The following RPTOR variants were observed in gnomAD, a reference collection of about 807,000 sequenced individuals.
RPTOR encodes the protein regulatory associated protein of MTOR complex 1, also known as regulatory-associated protein of mTOR.
A neutral mutation model predicts 169.9 loss-of-function variants in RPTOR; 21 were observed. That is an observed-to-expected ratio of 0.12 (90% CI 0.09 to 0.18). The LOEUF is 0.18. Ranked by LOEUF, RPTOR falls within the 10% of genes least tolerant of loss-of-function variation. RPTOR has a pLI of 1.00. For synonymous variants in RPTOR, 732 were observed against 753.2 expected, an observed-to-expected ratio of 0.97 and a Z score of 0.46; for missense variants, 1,133 against 1,855.9, an observed-to-expected ratio of 0.61 and a Z score of 7.16.
At chr17:80,756,713 A>C (rs78145954) in intron 6 of RPTOR, among the ~76,000 whole-genome samples, 144 of 152,340 alleles carry the variant, frequency 9.5e-4, no homozygotes, top group African/African-American at 3.2e-3. Context: ...TTGAAAAGAT[A>C]AATGTTTGAG....
chr17:80,607,560 C>T (rs190148663), intron 1 of RPTOR, among the ~76,000 whole-genome samples: 13 of 150,752 alleles, frequency 8.6e-5, no homozygotes, highest in Admixed American at 7.3e-4. Flanking sequence ...CCCTCATCTC[C>T]CTAAAGTTTT....
At chr17:80,668,749 A>G (rs949128861) in intron 3 of RPTOR, among the ~76,000 whole-genome samples, 9 of 152,236 alleles carry the variant, frequency 5.9e-5, no homozygotes, top group Non-Finnish European at 1.2e-4. Flanking sequence ...TTTGTTCAGC[A>G]GAGCGGCTGC....
In RPTOR at chr17:80,696,822, G is replaced by A. The variant is rs557474974; in HGVS notation, c.349-11019G>A. On this transcript the variant is annotated intron_variant, in intron 3 of 33. Transcript: ENST00000306801. ...TGCGGGGCCCACAGCCAGACCAGGTGTGTCACCTTGAGGGGAACACGGTGG... is the reference window on the plus strand; with the variant it reads ...TGCGGGGCCCACAGCCAGACCAGGTATGTCACCTTGAGGGGAACACGGTGG... Among the ~76,000 whole-genome samples the A allele has an allele frequency of 1.1e-4, 16 of 152,338 alleles. 1 individual carries two copies. In the South Asian group the frequency reaches 3.3e-3, roughly 32 times the overall value.
At chr17:80,741,598 A>C (rs559306298) in intron 5 of RPTOR, among the ~76,000 whole-genome samples, 1 of 152,094 alleles carries the variant, frequency 6.6e-6, no homozygotes, top group Admixed American at 6.5e-5. Flanking sequence ...TGCTCAGGCA[A>C]TGTGGGGTGT....
At chr17:80,865,008 G>A (rs553441717) in intron 13 of RPTOR, among the ~76,000 whole-genome samples, 32 of 152,298 alleles carry the variant, frequency 2.1e-4, no homozygotes, top group Admixed American at 2.0e-3. Context: ...TATAACATTT[G>A]TAAGAGCAAA....
intron 3 of RPTOR, among the ~76,000 whole-genome samples, chr17:80,670,623 A>G (rs559295174): frequency 1.3e-5 from 2 of 152,236 alleles, no homozygotes; most frequent in South Asian, 4.1e-4. Context: ...CAGAAATTGT[A>G]ATCCATTTGG....
chr17:80,753,963 C>A, intron 5 of RPTOR, 47 bp from the exon 6 acceptor site: 1 of 1,534,302 alleles, frequency 6.5e-7, no homozygotes, highest in Non-Finnish European at 9.0e-7. Context: ...TTGGTTGTGA[C>A]CAGCAGCTAA....
chr17:80,593,794 G>A (rs1158187119), intron 1 of RPTOR: 1 of 152,270 alleles, frequency 6.6e-6, no homozygotes, highest in East Asian at 1.9e-4. Context: ...TAATAAAAAT[G>A]TCATTCATGT....
At chr17:80,571,546 G>A (rs1310883452) in intron 1 of RPTOR, among the ~76,000 whole-genome samples, 1 of 151,936 alleles carries the variant, frequency 6.6e-6, no homozygotes, top group African/African-American at 2.4e-5. Flanking sequence ...TTTGAGATCG[G>A]GTCTCATTCT....
chr17:80,714,512 A>T (rs1427900208), intron 4 of RPTOR, among the ~76,000 whole-genome samples: 1 of 152,310 alleles, frequency 6.6e-6, no homozygotes, highest in East Asian at 1.9e-4. Context: ...ATTCAAAATT[A>T]TGGAATATCT....
chr17:80,759,785 T>C lies in RPTOR; in HGVS notation c.830+5600T>C, dbSNP rs568467683. On this transcript the variant is annotated intron_variant, in intron 6 of 33. Transcript: ENST00000306801. ...ATTTTGAAAAGTCAATTTTTCTAAT[T>C]AAAAATGAAAGATACATTCTTTTCA... Among the ~76,000 whole-genome samples, 514 of 152,304 alleles carry C rather than the reference T, an allele frequency of 3.4e-3. 2 individuals are homozygous for C. Among genetic ancestry groups the C allele is most frequent in the Non-Finnish European group, 5.3e-3 (362 of 68,016 alleles).
chr17:80,665,335 TTCC>T (rs1567845858), intron 3 of RPTOR, among the ~76,000 whole-genome samples: 239 of 6,320 alleles, frequency 0.038, 29 homozygotes, highest in African/African-American at 0.17. Flanking sequence ...TCTTTTCCCT[TTCC>T]TTTCCTTTCC....
intron 3 of RPTOR, among the ~76,000 whole-genome samples, chr17:80,688,799 C>T (rs953897374): frequency 1.2e-4 from 18 of 152,364 alleles, no homozygotes; most frequent in African/African-American, 4.8e-5. Context: ...TGGCAGGAAT[C>T]GACTCCAAGG....
rs114990299 is a variant in RPTOR, at chr17:80,641,687, C to T, written c.266-2041C>T. Among the ~76,000 whole-genome samples the T allele has an allele frequency of 3.2e-3, 488 of 152,250 alleles. 3 individuals carry two copies. Among genetic ancestry groups the T allele is most frequent in the African/African-American group, 0.011 (468 of 41,540 alleles). On this transcript the variant is annotated intron_variant, in intron 2 of 33. Transcript: ENST00000306801. ...GTAGCATTGTGTCCAAAAGAACATA[C>T]ACACTTTATTTTAAAAACTGAAAAA...
chr17:80,678,859 G>C (rs2065878137), intron 3 of RPTOR, among the ~76,000 whole-genome samples: 1 of 152,220 alleles, frequency 6.6e-6, no homozygotes, highest in South Asian at 2.1e-4. Flanking sequence ...GATGCTCTCT[G>C]TCTGTGTGTG....
intron 4 of RPTOR, among the ~76,000 whole-genome samples, chr17:80,713,158 T>C (rs2066209919): frequency 6.6e-6 from 1 of 152,180 alleles, no homozygotes; most frequent in Admixed American, 6.5e-5. Context: ...AACCTCTGCC[T>C]CCTGGGTTCA....
At chr17:80,918,280 G>A (rs781093947) in intron 21 of RPTOR, among the ~76,000 whole-genome samples, 2 of 152,200 alleles carry the variant, frequency 1.3e-5, no homozygotes, top group Non-Finnish European at 1.5e-5. Flanking sequence ...CCCCTGGATC[G>A]CCCATCCAGA....
intron 1 of RPTOR, among the ~76,000 whole-genome samples, chr17:80,546,423 C>T (rs1207739741): frequency 6.6e-6 from 1 of 152,084 alleles, no homozygotes; most frequent in Non-Finnish European, 1.5e-5. Flanking sequence ...GACTTGGGTG[C>T]AGGTTTTAGG....
At chr17:80,846,435 C>CA (rs1320427631) in intron 10 of RPTOR, 38 bp from the exon 11 acceptor site, 2 of 1,584,378 alleles carry the variant, frequency 1.3e-6, no homozygotes, top group African/African-American at 1.3e-5. Context: ...CATCTGGGAA[C>CA]ATGGCCCTAA....
Sources: allele counts gnomAD v4.1 joint callset (sites outside exome capture counted in the v4.1 genomes callset), GRCh38; gene constraint gnomAD v4.1.1; transcripts MANE v1.5; gene names NCBI Gene and HGNC (gene_info 2026-07-23, HGNC 2026-07-21).